The following FAM227B variants were observed in gnomAD, a reference collection of about 807,000 sequenced individuals.
FAM227B encodes the protein protein FAM227B.
In FAM227B, 88 loss-of-function variants were observed where a neutral mutation model predicts 73.8. That is an observed-to-expected ratio of 1.19 (90% CI 1.00 to 1.42). The LOEUF (loss-of-function observed/expected upper bound fraction) is 1.42. Ranked by LOEUF, FAM227B falls within the 40% of genes most tolerant of loss-of-function variation. The pLI, the probability that FAM227B is intolerant of heterozygous loss-of-function variation, is 0.00. For synonymous variants in FAM227B, 210 were observed against 190.5 expected (o/e 1.10, Z -0.84); for missense variants, 632 against 590.9 (o/e 1.07, Z -0.72).
intron 10 of FAM227B, among the ~76,000 whole-genome samples, chr15:49,519,526 T>G (rs987226407): frequency 6.6e-6 from 1 of 152,166 alleles, no homozygotes; most frequent in Non-Finnish European, 1.5e-5. Context: ...CCCCAATGCT[T>G]AACTTCTGTG....
At chr15:49,424,347 C>G in intron 11 of FAM227B, 1 of 1,613,454 alleles carries the variant, frequency 6.2e-7, no homozygotes, top group Non-Finnish European at 8.5e-7. Flanking sequence ...CTCTACAGAT[C>G]ATGCTTTCAC....
At chr15:49,520,043 C>T (rs1031966615) in intron 10 of FAM227B, among the ~76,000 whole-genome samples, 1 of 152,152 alleles carries the variant, frequency 6.6e-6, no homozygotes, top group African/African-American at 2.4e-5. Flanking sequence ...ATTTCTTCTG[C>T]TAGATACTCT....
chr15:49,458,546 C>CT (rs1371942077), intron 11 of FAM227B, among the ~76,000 whole-genome samples: 1 of 152,058 alleles, frequency 6.6e-6, no homozygotes, highest in Non-Finnish European at 1.5e-5. Context: ...AGAAGAAACT[C>CT]TTTAAGAACA....
At chr15:49,547,324 C>G (rs1215342540) in intron 9 of FAM227B, among the ~76,000 whole-genome samples, 1 of 150,902 alleles carries the variant, frequency 6.6e-6, no homozygotes, top group Non-Finnish European at 1.5e-5. Flanking sequence ...ACTGCAAAAA[C>G]ATGCCAAATT....
At chr15:49,571,092 GA>G (rs1389590559) in intron 8 of FAM227B, among the ~76,000 whole-genome samples, 2 of 151,514 alleles carry the variant, frequency 1.3e-5, no homozygotes, top group Non-Finnish European at 3.0e-5. Flanking sequence ...GATATAAACA[GA>G]AATGGGATTG....
Position 49,366,583 on chromosome 15 carries a change from TC to T in FAM227B, c.1271+864del. ...TGCAGTAGTCCTTGGATGTGCCATT[TC>T]CAGACGCATGCAAGATTGCTTCCTG... is the stretch of plus-strand genomic sequence containing the variant. On this transcript the variant is annotated intron_variant, in intron 13 of 15. Coordinates refer to ENST00000299338, the MANE Select transcript of FAM227B (RefSeq NM_152647.3). 3 of 1,599,380 alleles carry T rather than the reference TC, an allele frequency of 1.9e-6. No homozygotes were observed. The Admixed American group carries it at 5.0e-5, about 27-fold the overall frequency.
intron 10 of FAM227B, among the ~76,000 whole-genome samples, chr15:49,518,510 T>C (rs2059543589): frequency 6.6e-6 from 1 of 152,086 alleles, no homozygotes; most frequent in African/African-American, 2.4e-5. Context: ...GGACTCACAG[T>C]TTCACACGGC....
At position 49,612,434 on chromosome 15, in the gene FAM227B, T is replaced by C. The variant is rs1048663351; in HGVS notation, c.52-1166A>G. On this transcript the variant is annotated intron_variant, in intron 2 of 15. Transcript: ENST00000299338. ...AAGGACATGAACTCATCATTTTTTA[T>C]GGCTGCATAGTATTCCATGGTGTAT... 2.0e-5 allele frequency among the ~76,000 whole-genome samples: 3 copies of C among 152,186 alleles called. 1 individual carries two copies. Among genetic ancestry groups the C allele is most frequent in the African/African-American group, 7.2e-5 (3 of 41,446 alleles).
At chr15:49,409,870 T>A in intron 11 of FAM227B, among the ~76,000 whole-genome samples, 1 of 152,160 alleles carries the variant, frequency 6.6e-6, no homozygotes, top group East Asian at 1.9e-4. Context: ...TGGCATGCAG[T>A]AAGTGTTATG....
At chr15:49,515,175 T>C (rs1013973884) in intron 10 of FAM227B, among the ~76,000 whole-genome samples, 2 of 152,094 alleles carry the variant, frequency 1.3e-5, no homozygotes, top group Non-Finnish European at 2.9e-5. Flanking sequence ...CACTCTTTTT[T>C]CTCTCTGTGT....
intron 11 of FAM227B, among the ~76,000 whole-genome samples, chr15:49,421,371 G>A (rs966731773): frequency 4.6e-5 from 7 of 152,162 alleles, no homozygotes; most frequent in African/African-American, 1.7e-4. Flanking sequence ...CATTGATACA[G>A]TTCCCTTGTT....
chr15:49,363,448 G>T (rs2044597003), intron 13 of FAM227B, among the ~76,000 whole-genome samples: 1 of 152,154 alleles, frequency 6.6e-6, no homozygotes, highest in Non-Finnish European at 1.5e-5. Flanking sequence ...ATATGGGAAT[G>T]CTATTGATTT....
chr15:49,328,724 G>A (rs1408149967), intron 15 of FAM227B, 49 bp from the exon 16 acceptor site: 3 of 1,518,170 alleles, frequency 2.0e-6, no homozygotes, highest in South Asian at 1.3e-5. Context: ...CTTGGACATT[G>A]TATAATTGAA....
At chr15:49,559,453 T>C (rs761445397) in intron 9 of FAM227B, among the ~76,000 whole-genome samples, 4 of 152,128 alleles carry the variant, frequency 2.6e-5, no homozygotes, top group African/African-American at 7.2e-5. Context: ...TACCTGCTTA[T>C]GTTGCAACTG....
intron 11 of FAM227B, among the ~76,000 whole-genome samples, chr15:49,417,400 C>T (rs894469747): frequency 6.6e-6 from 1 of 151,982 alleles, no homozygotes; most frequent in African/African-American, 2.4e-5. Flanking sequence ...AAGCTGGAGG[C>T]ATCATGCTAC....
In FAM227B at chr15:49,575,019, T is replaced by G; in HGVS notation, c.637A>C (p.Lys213Gln). 1 of 1,574,962 alleles carries G rather than the reference T, an allele frequency of 6.3e-7. No individual in the cohort carries two copies. Among genetic ancestry groups the G allele is most frequent in the Admixed American group, 1.8e-5 (1 of 55,286 alleles). ...TTTAAAAATCACTATACCCTAAATT[T>G]ATGGAGAAACCACCACCAAAAGGAG... ...HDSFWWWFLH[K>Q]FRPDRENQDC... Residue 213 changes from lysine to glutamine, a missense_variant, in exon 8 of 16, where the codon AAA becomes CAA. Lys to Gln is a moderately conservative substitution (Grantham distance 53, BLOSUM62 1). Coordinates refer to ENST00000299338, the MANE Select transcript of FAM227B (RefSeq NM_152647.3).
chr15:49,434,892 C>T (rs1044730449), intron 11 of FAM227B, among the ~76,000 whole-genome samples: 1 of 151,348 alleles, frequency 6.6e-6, no homozygotes, highest in African/African-American at 2.4e-5. Flanking sequence ...TCTCAAAGTT[C>T]ATACAATGTT....
intron 12 of FAM227B, 28 bp from the exon 13 acceptor site, chr15:49,367,636 A>C (rs374422980): frequency 1.3e-6 from 2 of 1,529,126 alleles, no homozygotes; most frequent in Non-Finnish European, 8.7e-7. Flanking sequence ...TAATCAAGAC[A>C]ACGATTACTT....
chr15:49,619,805 C>A (rs759370532), intron 1 of FAM227B, among the ~76,000 whole-genome samples: 1 of 152,168 alleles, frequency 6.6e-6, no homozygotes, highest in Non-Finnish European at 1.5e-5. Flanking sequence ...ACTTTCCCTA[C>A]CCAGAAAATT....
Sources: allele counts gnomAD v4.1 joint callset (sites outside exome capture counted in the v4.1 genomes callset), GRCh38; gene constraint gnomAD v4.1.1; transcripts MANE v1.5; gene names NCBI Gene and HGNC (gene_info 2026-07-23, HGNC 2026-07-21).